Variants in SYNE1 observed in about 807,000 individuals in gnomAD.
SYNE1 encodes spectrin repeat containing nuclear envelope protein 1.
SYNE1 carries 616 observed loss-of-function variants against 1,111.0 expected under a neutral mutation model. The ratio of observed to expected loss-of-function variants is 0.55; its 90% CI spans 0.52 to 0.59. The LOEUF (loss-of-function observed/expected upper bound fraction) is 0.59, where lower values mean the gene tolerates loss of function less well. SYNE1 is among the 20% of genes least tolerant of loss of function. SYNE1 has a pLI of 0.00. For synonymous variants in SYNE1, 3,855 were observed against 3,825.8 expected (o/e 1.01, Z -0.28); for missense variants, 10,006 against 10,417.0 (o/e 0.96, Z 1.72).
At position 152,354,957 on chromosome 6, in the gene SYNE1, G is replaced by A. The variant is rs942717498; in HGVS notation, c.10628C>T (p.Ala3543Val). The change falls in exon 67 of 146, where the codon GCA becomes GTA. Residue 3543 changes from alanine to valine, a missense_variant. Transcript: ENST00000367255. ...RDLQELQVHCAEGQALLNSVL... is the reference protein window; with the variant it reads ...RDLQELQVHCVEGQALLNSVL... The stretch of plus-strand genomic sequence containing the variant: ...TGAGTTCAACAGGGCCTGCCCCTCT[G>A]CACAGTGTACCTGTAGCTCCTGCAG... 4 of 1,613,862 alleles carry A rather than the reference G, an allele frequency of 2.5e-6. No individual in the cohort carries two copies. In the African/African-American group the frequency reaches 5.3e-5, roughly 22 times the overall value.
chr6:152,361,686 T>C (rs2096933499), intron 64 of SYNE1, among the ~76,000 whole-genome samples: 1 of 152,166 alleles, frequency 6.6e-6, no homozygotes, highest in Admixed American at 6.5e-5. Context: ...AGGCTGCAGC[T>C]ATAAACCAAA....
intron 2 of SYNE1, among the ~76,000 whole-genome samples, chr6:152,630,032 A>G (rs2099695228): frequency 6.6e-6 from 1 of 152,150 alleles, no homozygotes; most frequent in African/African-American, 2.4e-5. Context: ...ATGAATTACA[A>G]TTTATTTTAA....
chr6:152,390,510 A>C, intron 52 of SYNE1, 58 bp from the exon 53 acceptor site: 1 of 1,567,186 alleles, frequency 6.4e-7, no homozygotes, highest in South Asian at 1.1e-5. Flanking sequence ...TTCTATTTTA[A>C]AAAAATGGTA....
intron 3 of SYNE1, among the ~76,000 whole-genome samples, chr6:152,543,758 T>C (rs2099287956): frequency 6.6e-6 from 1 of 152,222 alleles, no homozygotes; most frequent in Non-Finnish European, 1.5e-5. Context: ...GGCAACCCAT[T>C]GCTTTTTCTA....
Position 152,336,822 on chromosome 6 carries a change from G to T in SYNE1, c.12528+19C>A. On this transcript the variant is annotated intron_variant, in intron 76 of 145. Transcript: ENST00000367255. ...CTGTTGGCCTCTTTTATCTCCCTTG[G>T]GGGCAAATTAATTCCCACCTTAACT... is the stretch of plus-strand genomic sequence containing the variant. 6.2e-7 allele frequency: 1 copy of T among 1,610,998 alleles called. No homozygotes were observed.
intron 8 of SYNE1, 65 bp downstream of exon 8, chr6:152,510,128 T>C: frequency 6.7e-7 from 1 of 1,486,024 alleles, no homozygotes; most frequent in Non-Finnish European, 9.4e-7. Context: ...CATTAGAAGT[T>C]GCAATTAGTA....
intron 64 of SYNE1, among the ~76,000 whole-genome samples, chr6:152,360,206 C>T (rs1591040810): frequency 6.6e-6 from 1 of 152,188 alleles, no homozygotes; most frequent in African/African-American, 2.4e-5. Flanking sequence ...ATCCTCAGAG[C>T]AGCTGGCATG....
In SYNE1 at chr6:152,289,873, G is replaced by A. The variant is rs371921051; in HGVS notation, c.18012+3715C>T. Among the ~76,000 whole-genome samples, 61 of 150,662 alleles carry A rather than the reference G, an allele frequency of 4.0e-4. No individual in the cohort carries two copies. The South Asian group carries it at 6.5e-3, about 16-fold the overall frequency. ...GATCTCCTGACCTCGTGATCCGCCC[G>A]CCTTGGCCTCCCAAAGTGCTGGGAT... On this transcript the variant is annotated intron_variant, in intron 95 of 145. Coordinates refer to ENST00000367255, the MANE Select transcript of SYNE1 (RefSeq NM_182961.4).
Position 152,400,681 on chromosome 6 carries a change from A to T in SYNE1, c.7029+457T>A, listed in dbSNP as rs145446343. On this transcript the variant is annotated intron_variant, in intron 47 of 145. Transcript: ENST00000367255. ...CATCTCAAAAAATAAAAATAAAAAA[A>T]TAGAAAACATGGAAATAGAATGTTT... is the stretch of plus-strand genomic sequence containing the variant. Among the ~76,000 whole-genome samples, 585 of 152,296 alleles carry T rather than the reference A, an allele frequency of 3.8e-3. 5 individuals carry two copies. Among genetic ancestry groups the T allele is most frequent in the Non-Finnish European group, 6.0e-3 (411 of 68,026 alleles).
rs1423826521 is a variant in SYNE1 at position 152,330,702 on chromosome 6, G to A, written c.13983C>T (p.Asp4661=). The A allele has an allele frequency of 1.2e-6, 2 of 1,613,992 alleles. No individual in the cohort carries two copies. The highest frequency in any genetic ancestry group is 1.3e-5 in the African/African-American group (1 of 75,028). ...TTGCTTCCTGGACTTTATAGAACTT[G>A]TCTTTAGCCAAGGCAACAATTACAT... ...QFNVIVALAK[D]KFYKVQEAIL... The change falls in exon 78 of 146, where the codon GAC becomes GAT. Residue 4661 remains aspartate, a synonymous_variant. Coordinates refer to ENST00000367255, the MANE Select transcript of SYNE1 (RefSeq NM_182961.4).
At position 152,278,116 on chromosome 6, in the gene SYNE1, G is replaced by A; in HGVS notation, c.18546C>T (p.Ala6182=). The A allele has an allele frequency of 6.2e-7, 1 of 1,613,974 alleles. No homozygotes were observed. The change falls in exon 98 of 146, where the codon GCC becomes GCT. Residue 6182 remains alanine, a synonymous_variant. Transcript: ENST00000367255. ...GCATGTTGAGCTGCTTATCATGCAG[G>A]GCTCTCTGCAGCTCCAGCAGGCTCC... is the stretch of plus-strand genomic sequence containing the variant. ...LKGSLLELQR[A]LHDKQLNMQG...
At chr6:152,583,844 G>C (rs1336908124) in intron 3 of SYNE1, among the ~76,000 whole-genome samples, 2 of 152,184 alleles carry the variant, frequency 1.3e-5, no homozygotes, top group Non-Finnish European at 2.9e-5. Context: ...CTGCGGCAGA[G>C]AGTAAAAAAG....
intron 51 of SYNE1, among the ~76,000 whole-genome samples, chr6:152,394,358 T>A (rs2097697344): frequency 6.6e-6 from 1 of 152,072 alleles, no homozygotes; most frequent in South Asian, 2.1e-4. Context: ...TAAAGTAGAG[T>A]GGGTGCTATC....
intron 5 of SYNE1, among the ~76,000 whole-genome samples, chr6:152,524,850 C>A (rs1247226515): frequency 6.6e-6 from 1 of 152,158 alleles, no homozygotes; most frequent in Non-Finnish European, 1.5e-5. Flanking sequence ...AATCACCTGT[C>A]TCAGAATTAC....
intron 4 of SYNE1, among the ~76,000 whole-genome samples, chr6:152,537,306 A>G (rs2127940078): frequency 6.6e-6 from 1 of 152,274 alleles, no homozygotes; most frequent in Middle Eastern, 3.4e-3. Context: ...ATCAAAAAAG[A>G]ACAGATATTT....
At chr6:152,568,289 CTTTTTTTTTT>C (rs10601350) in intron 3 of SYNE1, among the ~76,000 whole-genome samples, 9 of 80,310 alleles carry the variant, frequency 1.1e-4, no homozygotes, top group African/African-American at 2.0e-4. Context: ...TTATTTTATT[CTTTTTTTTTT>C]TTTTTTTTTT....
intron 140 of SYNE1, among the ~76,000 whole-genome samples, chr6:152,138,030 G>C (rs2057463902): frequency 6.6e-6 from 1 of 152,098 alleles, no homozygotes; most frequent in African/African-American, 2.4e-5. Context: ...ATGCAACATG[G>C]CCTTACTAGA....
At chr6:152,531,818 G>C (rs1473091745) in intron 4 of SYNE1, among the ~76,000 whole-genome samples, 1 of 152,148 alleles carries the variant, frequency 6.6e-6, no homozygotes, top group Non-Finnish European at 1.5e-5. Context: ...TGTTGTAGCA[G>C]GTGCCAGAAT....
At chr6:152,206,645 C>A (rs1423423523) in intron 125 of SYNE1, among the ~76,000 whole-genome samples, 1 of 152,030 alleles carries the variant, frequency 6.6e-6, no homozygotes, top group African/African-American at 2.4e-5. Flanking sequence ...AGGGGGCGCA[C>A]CAAGAGGCAG....
Sources: allele counts gnomAD v4.1 joint callset (sites outside exome capture counted in the v4.1 genomes callset), GRCh38; gene constraint gnomAD v4.1.1; transcripts MANE v1.5; gene names NCBI Gene and HGNC (gene_info 2026-07-23, HGNC 2026-07-21).